The following CUBN variants were observed in gnomAD, a reference collection of about 807,000 sequenced individuals.
CUBN encodes cubilin.
Under a neutral mutation model 405.3 loss-of-function variants are expected in CUBN, and 282 were observed. The observed-to-expected ratio is 0.70, with a 90% CI of 0.63 to 0.77. The LOEUF is 0.77. Among genes scored for constraint, CUBN ranks in the 30% least tolerant of loss-of-function variants. The pLI is 0.00. For synonymous variants in CUBN, 1,684 were observed against 1,617.0 expected (o/e 1.04, Z -0.99); for missense variants, 4,514 against 4,475.2 (o/e 1.01, Z -0.25).
intron 10 of CUBN, among the ~76,000 whole-genome samples, chr10:17,106,940 T>C (rs1260597796): frequency 6.6e-6 from 1 of 152,204 alleles, no homozygotes; most frequent in Non-Finnish European, 1.5e-5. Context: ...AACATAAATA[T>C]ATGGGGACAT....
intron 28 of CUBN, among the ~76,000 whole-genome samples, chr10:17,011,687 C>A (rs796539786): frequency 5.3e-5 from 8 of 151,016 alleles, no homozygotes; most frequent in African/African-American, 2.0e-4. Flanking sequence ...TTACAGAGCA[C>A]TGATTGGTCC....
chr10:17,000,274 T>G (rs958333197), intron 28 of CUBN, among the ~76,000 whole-genome samples: 5 of 151,522 alleles, frequency 3.3e-5, no homozygotes, highest in Non-Finnish European at 7.4e-5. Context: ...CCAGATGATC[T>G]CCGTGGTTTC....
chr10:16,915,055 A>G lies in CUBN; in HGVS notation c.7328T>C (p.Leu2443Pro). The change falls in exon 47 of 67, where the codon CTG becomes CCG. Residue 2443 changes from leucine to proline, a missense_variant. This residue lies in a region of CUBN where 1,613 missense variants were observed against 1,542.8 expected (regional missense o/e 1.05). Coordinates refer to ENST00000377833, the MANE Select transcript of CUBN (RefSeq NM_001081.4). ...ACCTTCCATACTGGATTCAAATCGC[A>G]GTCTGAATCCTGAGGCAGTCACAGA... ...DGSVTASGFRLRFESSMEECG... is the reference protein window; with the variant it reads ...DGSVTASGFRPRFESSMEECG... The G allele has an allele frequency of 6.2e-7, 1 of 1,614,008 alleles. No homozygotes were observed. The highest frequency in any genetic ancestry group is 8.5e-7 in the Non-Finnish European group (1 of 1,179,942).
rs368951850 is a variant in CUBN at position 16,933,246 on chromosome 10, C to T, written c.5965G>A (p.Val1989Met). The change falls in exon 40 of 67, where the codon GTG becomes ATG. Residue 1989 changes from valine to methionine, a missense_variant. Val to Met is a conservative substitution (Grantham distance 21, BLOSUM62 1). Coordinates refer to ENST00000377833, the MANE Select transcript of CUBN (RefSeq NM_001081.4). ...GGCCAGCCCGGGGAGAAGAGAAACACGGGTGCATCTCCCGTCCTCAGGAAG... is the reference window on the plus strand; with the variant it reads ...GGCCAGCCCGGGGAGAAGAGAAACATGGGTGCATCTCCCGTCCTCAGGAAG... ...GGFLRTGDAP[V>M]FLFSPGWPDS... 2.1e-5 allele frequency: 34 copies of T among 1,613,762 alleles called. No individual in the cohort carries two copies. Among genetic ancestry groups the T allele is most frequent in the Admixed American group, 1.2e-4 (7 of 59,982 alleles).
At chr10:16,894,171 G>C (rs1178753113) in intron 54 of CUBN, among the ~76,000 whole-genome samples, 1 of 152,074 alleles carries the variant, frequency 6.6e-6, no homozygotes, top group African/African-American at 2.4e-5. Context: ...GCTACAGACT[G>C]GATGAAAATA....
rs369069102 is a variant in CUBN, at chr10:16,915,165, G to T, written c.7218C>A (p.Ile2406=). 80 of 1,613,722 alleles carry T rather than the reference G, an allele frequency of 5.0e-5. No individual in the cohort carries two copies. The highest frequency in any genetic ancestry group is 6.1e-5 in the Non-Finnish European group (72 of 1,179,964). Residue 2406 remains isoleucine, a synonymous_variant, in exon 47 of 67, where the codon ATC becomes ATA. Transcript: ENST00000377833. ...EIWDNHTSGN[I]LGRYCGNTIP... ...TGGTGTTTCCACAGTATCTGCCCAAGATGTTTCCTGTGAGAGACAAATAAT... is the reference window on the plus strand; with the variant it reads ...TGGTGTTTCCACAGTATCTGCCCAATATGTTTCCTGTGAGAGACAAATAAT...
intron 27 of CUBN, among the ~76,000 whole-genome samples, chr10:17,038,466 T>C (rs956599567): frequency 1.3e-5 from 2 of 152,232 alleles, no homozygotes; most frequent in Non-Finnish European, 2.9e-5. Context: ...TAATAAAGGA[T>C]GCATTTGGTT....
intron 31 of CUBN, among the ~76,000 whole-genome samples, chr10:16,968,284 C>A (rs966792479): frequency 4.0e-5 from 6 of 151,894 alleles, no homozygotes; most frequent in African/African-American, 9.7e-5. Flanking sequence ...AATAATGGAA[C>A]AACAACAGAC....
chr10:17,127,650 C>T (rs761488235), intron 3 of CUBN, among the ~76,000 whole-genome samples, 179 bp downstream of exon 3: 2 of 152,106 alleles, frequency 1.3e-5, no homozygotes, highest in Non-Finnish European at 2.9e-5. Context: ...CATTTCCTGC[C>T]TTCTGTCCAT....
rs1335924026 is a variant in CUBN at position 16,890,508 on chromosome 10, T to G, written c.8618A>C (p.Glu2873Ala). ...SFVKVWAGTE[E>A]VDKALLATGC... ...AGTGGCTAGCAGGGCTTTGTCCACC[T>G]CCTCAGTTCCTGCCCACACCTAGCA... is the stretch of plus-strand genomic sequence containing the variant. The change falls in exon 55 of 67, where the codon GAG (glutamate) becomes GCG (alanine). Residue 2873 changes from glutamate (E) to alanine (A), a missense_variant. This residue lies in a region of CUBN where 1,186 missense variants were observed against 1,186.9 expected (regional missense o/e 1.00). Transcript: ENST00000377833. 10 of 1,614,158 alleles carry G rather than the reference T, an allele frequency of 6.2e-6. No individual in the cohort carries two copies. Among genetic ancestry groups the G allele is most frequent in the Non-Finnish European group, 8.5e-6 (10 of 1,180,026 alleles).
chr10:17,122,640 A>C lies in CUBN; in HGVS notation c.593+155T>G, dbSNP rs1837070252. On this transcript the variant is annotated intron_variant, in intron 6 of 66. Coordinates refer to ENST00000377833, the MANE Select transcript of CUBN (RefSeq NM_001081.4). ...AGCTTTTCTTCAGTTAAGTAAAAAT[A>C]GCTATGTAGACGTTAAGCAAGAGCT... is the stretch of plus-strand genomic sequence containing the variant. 2.1e-5 allele frequency: 14 copies of C among 669,508 alleles called. No homozygotes were observed. The South Asian group carries it at 2.3e-4, about 11-fold the overall frequency. The allele number at this position is 669,508 out of a possible 1,614,324, so 41.5% of individuals were successfully genotyped here. A position where few individuals can be genotyped will look rare whatever the true frequency, so the allele number is the denominator to read the frequency against.
At chr10:16,901,197 G>T in intron 52 of CUBN, 141 bp downstream of exon 52, 1 of 1,201,710 alleles carries the variant, frequency 8.3e-7, no homozygotes, top group Non-Finnish European at 1.2e-6. Flanking sequence ...GTGAGAAAAT[G>T]TTAGGGAAAA....
intron 56 of CUBN, among the ~76,000 whole-genome samples, chr10:16,882,461 CGGGATTTATTACT>C (rs151127790): frequency 0.046 from 6,957 of 152,146 alleles, 548 homozygotes; most frequent in African/African-American, 0.16. Flanking sequence ...TCTATTTTTC[CGGGATTTATTACT>C]GGGCAATGTC....
chr10:16,837,593 C>T (rs76210085), intron 62 of CUBN, among the ~76,000 whole-genome samples: 1 of 151,990 alleles, frequency 6.6e-6, no homozygotes, highest in Admixed American at 6.6e-5. Context: ...TATTTCTTAA[C>T]CTTAGGGCCT....
Position 17,084,267 on chromosome 10 carries a change from T to G in CUBN, c.2301+4A>C. 1.2e-6 allele frequency: 2 copies of G among 1,613,520 alleles called. No individual in the cohort carries two copies. The highest frequency in any genetic ancestry group is 1.7e-6 in the Non-Finnish European group (2 of 1,179,684). On this transcript the variant is annotated splice_donor_region_variant and intron_variant, in intron 17 of 66. Transcript: ENST00000377833. Reference sequence around the variant, plus strand: ...TCTAAGGGCGATTGAGTAGTGAAAGTTACCTCAATGTAATTCTGAGAACTG... The same window carrying G: ...TCTAAGGGCGATTGAGTAGTGAAAGGTACCTCAATGTAATTCTGAGAACTG...
chr10:16,834,624 C>G (rs1482926511), intron 64 of CUBN, among the ~76,000 whole-genome samples: 2 of 152,218 alleles, frequency 1.3e-5, no homozygotes, highest in African/African-American at 2.4e-5. Flanking sequence ...CTTCATTTTA[C>G]AGAACCAGCA....
chr10:16,905,918 G>C (rs1163048521), intron 50 of CUBN, among the ~76,000 whole-genome samples: 1 of 152,092 alleles, frequency 6.6e-6, no homozygotes, highest in African/African-American at 2.4e-5. Flanking sequence ...TTTGAGACCA[G>C]CCTGGACAAC....
At chr10:17,089,008 T>A (rs529506703) in intron 14 of CUBN, among the ~76,000 whole-genome samples, 2 of 152,180 alleles carry the variant, frequency 1.3e-5, no homozygotes, top group African/African-American at 4.8e-5. Flanking sequence ...AATACCCACA[T>A]TTATTTAACA....
intron 38 of CUBN, among the ~76,000 whole-genome samples, chr10:16,938,385 C>A (rs1378190514): frequency 2.0e-5 from 3 of 152,120 alleles, no homozygotes; most frequent in African/African-American, 7.2e-5. Context: ...TAGCTCAGGA[C>A]AAATTCATAT....
Sources: allele counts gnomAD v4.1 joint callset (sites outside exome capture counted in the v4.1 genomes callset), GRCh38; gene constraint gnomAD v4.1.1; regional missense constraint gnomAD v4.1.1; transcripts MANE v1.5; gene names NCBI Gene and HGNC (gene_info 2026-07-23, HGNC 2026-07-21).